Variants in MACROD2 observed in about 807,000 individuals in gnomAD.
The protein encoded by MACROD2 is ADP-ribose glycohydrolase MACROD2.
In MACROD2, 36 loss-of-function variants were observed where a neutral mutation model predicts 70.4. The observed-to-expected ratio is 0.51, with a 90% CI of 0.39 to 0.68. The LOEUF (loss-of-function observed/expected upper bound fraction) is 0.68, where lower values mean the gene tolerates loss of function less well. Ranked by LOEUF, MACROD2 falls within the 30% of genes least tolerant of loss-of-function variation. MACROD2 has a pLI of 0.00. For synonymous variants in MACROD2, 172 were observed against 178.8 expected (o/e 0.96, Z 0.30); for missense variants, 496 against 538.4 (o/e 0.92, Z 0.78).
chr20:15,364,502 A>T (rs1476678773), intron 6 of MACROD2, among the ~76,000 whole-genome samples: 2 of 152,152 alleles, frequency 1.3e-5, no homozygotes, highest in East Asian at 3.8e-4. Context: ...ATGGTTTCCC[A>T]TGGTTCTGTT....
At chr20:14,996,668 C>T (rs1430914172) in intron 5 of MACROD2, among the ~76,000 whole-genome samples, 1 of 152,138 alleles carries the variant, frequency 6.6e-6, no homozygotes, top group East Asian at 1.9e-4. Flanking sequence ...CTGCTTGGCG[C>T]AGAGAGATAA....
At chr20:15,871,588 C>T (rs369254921) in intron 9 of MACROD2, among the ~76,000 whole-genome samples, 2 of 152,108 alleles carry the variant, frequency 1.3e-5, no homozygotes, top group Non-Finnish European at 2.9e-5. Flanking sequence ...TCATAGCACC[C>T]AGGAATTCAG....
chr20:15,324,609 G>T (rs147380751), intron 6 of MACROD2, among the ~76,000 whole-genome samples: 1 of 152,114 alleles, frequency 6.6e-6, no homozygotes, highest in Non-Finnish European at 1.5e-5. Flanking sequence ...TTGAAGTAAC[G>T]TTCTCCTTAG....
chr20:15,940,914 A>C (rs2065742475), intron 12 of MACROD2, among the ~76,000 whole-genome samples: 1 of 152,200 alleles, frequency 6.6e-6, no homozygotes. Context: ...TTAAAGTGTC[A>C]TGAAGTTGAG....
intron 5 of MACROD2, among the ~76,000 whole-genome samples, chr20:15,125,761 A>T (rs779428029): frequency 6.6e-6 from 1 of 151,978 alleles, no homozygotes; most frequent in Admixed American, 6.6e-5. Context: ...TACATTAAAA[A>T]GGTTATGAAA....
At chr20:14,441,594 G>A (rs138686606) in intron 3 of MACROD2, among the ~76,000 whole-genome samples, 1 of 152,270 alleles carries the variant, frequency 6.6e-6, no homozygotes, top group East Asian at 1.9e-4. Context: ...CATTGAGTCA[G>A]AACATTTCCT....
intron 3 of MACROD2, among the ~76,000 whole-genome samples, chr20:14,153,611 G>A (rs1450535380): frequency 1.3e-5 from 2 of 152,174 alleles, no homozygotes; most frequent in Non-Finnish European, 2.9e-5. Flanking sequence ...GCCTCAGCAA[G>A]TGCTTTCTGA....
chr20:14,535,323 G>C (rs1444748018), intron 4 of MACROD2, among the ~76,000 whole-genome samples: 1 of 151,982 alleles, frequency 6.6e-6, no homozygotes, highest in Non-Finnish European at 1.5e-5. Context: ...GGCCAACATG[G>C]TGAAACCCCA....
At chr20:15,033,904 G>A (rs2075293868) in intron 5 of MACROD2, among the ~76,000 whole-genome samples, 2 of 152,164 alleles carry the variant, frequency 1.3e-5, no homozygotes, top group Non-Finnish European at 2.9e-5. Flanking sequence ...GGTGGGTAGG[G>A]TGTTGTTTAA....
At chr20:14,426,234 T>G (rs1424827869) in intron 3 of MACROD2, among the ~76,000 whole-genome samples, 1 of 152,122 alleles carries the variant, frequency 6.6e-6, no homozygotes, top group Non-Finnish European at 1.5e-5. Context: ...TTACATTTGA[T>G]CTCTTTGTAT....
At chr20:15,423,917 G>A (rs1428591275) in intron 6 of MACROD2, among the ~76,000 whole-genome samples, 1 of 152,152 alleles carries the variant, frequency 6.6e-6, no homozygotes, top group Non-Finnish European at 1.5e-5. Flanking sequence ...GGGAATCTAA[G>A]ATCAGGGTGC....
At chr20:15,385,309 T>C (rs759648570) in intron 6 of MACROD2, among the ~76,000 whole-genome samples, 15 of 152,202 alleles carry the variant, frequency 9.9e-5, no homozygotes, top group Non-Finnish European at 1.6e-4. Context: ...AAATGACTGT[T>C]TTTGGACTCA....
chr20:14,372,844 T>C (rs962263338), intron 3 of MACROD2, among the ~76,000 whole-genome samples: 1 of 152,174 alleles, frequency 6.6e-6, no homozygotes, highest in Non-Finnish European at 1.5e-5. Flanking sequence ...ATCAAAAGAT[T>C]TCATTGGTTC....
intron 5 of MACROD2, among the ~76,000 whole-genome samples, chr20:14,766,586 G>A (rs750584721): frequency 1.4e-4 from 22 of 152,178 alleles, no homozygotes; most frequent in Non-Finnish European, 1.3e-4. Context: ...TGGAAAGAAA[G>A]GAAAACTATT....
At chr20:14,520,577 A>G (rs6079470) in intron 4 of MACROD2, among the ~76,000 whole-genome samples, 2 of 151,512 alleles carry the variant, frequency 1.3e-5, no homozygotes, top group Non-Finnish European at 2.9e-5. Context: ...TACAATCTAC[A>G]TACTAATCCA....
intron 17 of MACROD2, among the ~76,000 whole-genome samples, chr20:16,049,426 A>G (rs544841759): frequency 7.3e-4 from 111 of 152,302 alleles, no homozygotes; most frequent in Middle Eastern, 6.8e-3. Context: ...TGGCATAACC[A>G]TCAATGACTT....
intron 2 of MACROD2, among the ~76,000 whole-genome samples, chr20:14,073,760 A>G (rs985195692): frequency 1.3e-5 from 2 of 152,224 alleles, no homozygotes; most frequent in Non-Finnish European, 2.9e-5. Flanking sequence ...CATTATAAAC[A>G]ATTATAAAAC....
intron 5 of MACROD2, among the ~76,000 whole-genome samples, chr20:15,212,771 G>T (rs1419188214): frequency 6.6e-6 from 1 of 152,182 alleles, no homozygotes; most frequent in Admixed American, 6.5e-5. Context: ...CTCTACATTT[G>T]ACATTTTGAG....
intron 4 of MACROD2, among the ~76,000 whole-genome samples, chr20:14,520,137 A>G (rs541618634): frequency 6.6e-6 from 1 of 152,262 alleles, no homozygotes; most frequent in Admixed American, 6.5e-5. Context: ...CTGGGTGGCT[A>G]AATAACCTGT....
Sources: gnomAD v4.1 joint callset for allele counts (sites outside exome capture counted in the v4.1 genomes callset) on GRCh38, gnomAD v4.1.1 for gene constraint, MANE v1.5 for transcripts, NCBI Gene and HGNC (gene_info 2026-07-23, HGNC 2026-07-21) for gene names.